CFAP54: variants seen among roughly 807,000 people sequenced by gnomAD.
CFAP54 encodes cilia- and flagella-associated protein 54.
Under a neutral mutation model 370.4 loss-of-function variants are expected in CFAP54, and 290 were observed. That is an observed-to-expected ratio of 0.78 (90% confidence interval 0.71 to 0.86). CFAP54 has a LOEUF of 0.86. CFAP54 is among the 40% of genes least tolerant of loss of function. CFAP54 has a pLI of 0.00. For missense variants in CFAP54, 3,399 were observed against 3,528.7 expected, an observed-to-expected ratio of 0.96 and a Z score of 0.93; for synonymous variants, 1,206 against 1,236.5, an observed-to-expected ratio of 0.98 and a Z score of 0.52.
chr12:96,684,825 A>G, intron 41 of CFAP54, 90 bp downstream of exon 41: 6 of 1,188,028 alleles, frequency 5.1e-6, no homozygotes, highest in Non-Finnish European at 6.0e-6. Flanking sequence ...TGTCTTTCAT[A>G]AATTTTAGTT....
intron 14 of CFAP54, among the ~76,000 whole-genome samples, chr12:96,547,187 T>A (rs149955147): frequency 6.6e-6 from 1 of 152,054 alleles, no homozygotes; most frequent in Admixed American, 6.6e-5. Flanking sequence ...GCTTTTATAT[T>A]TATTTATTTA....
At chr12:96,637,516 T>G (rs1956675089) in intron 32 of CFAP54, among the ~76,000 whole-genome samples, 1 of 152,218 alleles carries the variant, frequency 6.6e-6, no homozygotes, top group African/African-American at 2.4e-5. Context: ...ACAAACTGAT[T>G]ATAAATTTTT....
At chr12:96,724,004 G>A (rs1957795832) in intron 50 of CFAP54, among the ~76,000 whole-genome samples, 1 of 151,872 alleles carries the variant, frequency 6.6e-6, no homozygotes, top group African/African-American at 2.4e-5. Flanking sequence ...CAAAGGACAT[G>A]ATCTCATCAT....
At chr12:96,777,704 A>G (rs531593522) in intron 60 of CFAP54, among the ~76,000 whole-genome samples, 3 of 152,110 alleles carry the variant, frequency 2.0e-5, no homozygotes, top group Middle Eastern at 3.4e-3. Context: ...TCATTCTACT[A>G]TGAGGGCATG....
chr12:96,605,703 T>C (rs1956292311), intron 26 of CFAP54, among the ~76,000 whole-genome samples: 1 of 152,192 alleles, frequency 6.6e-6, no homozygotes, highest in Non-Finnish European at 1.5e-5. Context: ...GAGAAGTCCA[T>C]AGTAATTGTA....
At chr12:96,548,008 G>A in intron 15 of CFAP54, 30 bp downstream of exon 15, 1 of 977,258 alleles carries the variant, frequency 1.0e-6, no homozygotes, top group South Asian at 1.7e-5. Context: ...AAATTTAGGT[G>A]AAACATGCAA....
chr12:96,721,554 AT>A (rs1436133784), intron 50 of CFAP54, among the ~76,000 whole-genome samples: 3 of 152,226 alleles, frequency 2.0e-5, no homozygotes, highest in African/African-American at 7.2e-5. Context: ...GGACATCCAC[AT>A]TCAAGAGTTT....
intron 39 of CFAP54, among the ~76,000 whole-genome samples, chr12:96,667,165 T>G (rs925464646): frequency 1.3e-5 from 2 of 152,206 alleles, no homozygotes; most frequent in Non-Finnish European, 2.9e-5. Flanking sequence ...CCCTCCCGGC[T>G]GCTTTCACAG....
At chr12:96,570,394 G>C (rs1052489121) in intron 19 of CFAP54, among the ~76,000 whole-genome samples, 8 of 151,370 alleles carry the variant, frequency 5.3e-5, no homozygotes, top group African/African-American at 2.4e-5. Context: ...TGACTCCCAG[G>C]CTTCAAACTG....
At chr12:96,657,770 C>T in intron 36 of CFAP54, 112 bp from the exon 37 acceptor site, 1 of 786,006 alleles carries the variant, frequency 1.3e-6, no homozygotes, top group Non-Finnish European at 2.1e-6. Flanking sequence ...AATATTTTTT[C>T]TTTTCAGTTG....
At chr12:96,871,699 C>T (rs1403251261) in intron 67 of CFAP54, among the ~76,000 whole-genome samples, 3 of 151,874 alleles carry the variant, frequency 2.0e-5, no homozygotes, top group African/African-American at 4.8e-5. Context: ...TATCAGGATA[C>T]ATATGGAAAT....
At chr12:96,775,857 C>T (rs925703106) in intron 60 of CFAP54, among the ~76,000 whole-genome samples, 1 of 152,104 alleles carries the variant, frequency 6.6e-6, no homozygotes, top group African/African-American at 2.4e-5. Context: ...TTACATTTTC[C>T]TGCTACACAT....
At chr12:96,581,673 A>T (rs964310181) in intron 22 of CFAP54, among the ~76,000 whole-genome samples, 2 of 149,926 alleles carry the variant, frequency 1.3e-5, no homozygotes, top group Non-Finnish European at 3.0e-5. Context: ...CTATCTAATT[A>T]ATATATATAT....
chr12:96,625,741 G>T lies in CFAP54; in HGVS notation c.3910G>T (p.Gly1304Ter). The change falls in exon 29 of 68, where the codon GGA becomes TGA. Residue 1304 changes from glycine (G) to a stop codon, truncating the protein, a stop_gained. Transcript: ENST00000524981. LOFTEE classifies it high-confidence loss of function. ...AGATGTTACATCTGAACTCTCAGGA[G>T]GAGAGGACCCTATATTTCTTTATCC... is the stretch of plus-strand genomic sequence containing the variant. ...KQYVTSELSGGEDPIFLYPVV... is the reference protein window; with the variant it reads ...KQYVTSELSG The T allele has an allele frequency of 6.5e-7, 1 of 1,535,540 alleles. No individual in the cohort carries two copies. The highest frequency in any genetic ancestry group is 8.7e-7 in the Non-Finnish European group (1 of 1,146,536).
At chr12:96,626,391 AC>A (rs1453617571) in intron 29 of CFAP54, among the ~76,000 whole-genome samples, 1 of 151,588 alleles carries the variant, frequency 6.6e-6, no homozygotes, top group African/African-American at 2.4e-5. Flanking sequence ...GTCTCAAAAA[AC>A]AAAAAAAAAA....
chr12:96,594,027 T>G (rs1956151046), intron 24 of CFAP54, among the ~76,000 whole-genome samples: 1 of 152,098 alleles, frequency 6.6e-6, no homozygotes, highest in African/African-American at 2.4e-5. Context: ...ATAGCCAAGT[T>G]TTTAGCTTAT....
In CFAP54 at chr12:96,725,818, T is replaced by C. The variant is rs549777367; in HGVS notation, c.6965+5253T>C. ...TATGATATTGGCTGTGGGTTTGTCA[T>C]AGATAGCTCTTATTATTTTGAGATA... On this transcript the variant is annotated intron_variant, in intron 50 of 67. Coordinates refer to ENST00000524981, the MANE Select transcript of CFAP54 (RefSeq NM_001306084.2). 7.9e-5 allele frequency among the ~76,000 whole-genome samples: 12 copies of C among 152,194 alleles called. No homozygotes were observed. The South Asian group carries it at 2.3e-3, about 29-fold the overall frequency.
chr12:96,739,874 T>C, intron 50 of CFAP54, 82 bp from the exon 51 acceptor site: 4 of 856,368 alleles, frequency 4.7e-6, no homozygotes, highest in East Asian at 2.7e-5. Flanking sequence ...AGAATGTTTT[T>C]TGGAGAAAGT....
intron 56 of CFAP54, 35 bp from the exon 57 acceptor site, chr12:96,756,423 G>C (rs376830345): frequency 3.0e-5 from 40 of 1,312,422 alleles, no homozygotes; most frequent in Non-Finnish European, 3.8e-5. Context: ...GCTAGAAAAA[G>C]GAAAAACCAT....
Sources: allele counts gnomAD v4.1 joint callset (sites outside exome capture counted in the v4.1 genomes callset), GRCh38; gene constraint gnomAD v4.1.1; transcripts MANE v1.5; gene names NCBI Gene and HGNC (gene_info 2026-07-23, HGNC 2026-07-21).